ST6GALNAC2: variants seen among roughly 807,000 people sequenced by gnomAD.
ST6GALNAC2 encodes the protein ST6 N-acetylgalactosaminide alpha-2,6-sialyltransferase 2, also known as alpha-N-acetylgalactosaminide alpha-2,6-sialyltransferase 2.
Under a neutral mutation model 38.7 loss-of-function variants are expected in ST6GALNAC2, and 42 were observed. The ratio of observed to expected loss-of-function variants is 1.09; its 90% confidence interval spans 0.85 to 1.40. The LOEUF (loss-of-function observed/expected upper bound fraction) is 1.40. Ranked by LOEUF, ST6GALNAC2 falls within the 40% of genes most tolerant of loss-of-function variation. The pLI, the probability that ST6GALNAC2 is intolerant of heterozygous loss-of-function variation, is 0.00. For synonymous variants in ST6GALNAC2, 233 were observed against 209.0 expected, an observed-to-expected ratio of 1.11 and a Z score of -0.99; for missense variants, 506 against 481.7, an observed-to-expected ratio of 1.05 and a Z score of -0.47.
rs968750357 is a variant in ST6GALNAC2, at chr17:76,570,671, G to A, written c.670-3C>T. 3.7e-6 allele frequency: 6 copies of A among 1,606,312 alleles called. No homozygotes were observed. The African/African-American group carries it at 5.3e-5, about 14-fold the overall frequency. The stretch of plus-strand genomic sequence containing the variant: ...GGGATGAAGATATACTGCAGGTCCT[G>A]TCAGAATAGAGACAATGAGCCCAGA... On this transcript the variant is annotated splice_polypyrimidine_tract_variant and splice_region_variant and intron_variant, in intron 5 of 8. Coordinates refer to ENST00000225276, the MANE Select transcript of ST6GALNAC2 (RefSeq NM_006456.3).
chr17:76,567,363 G>T, intron 8 of ST6GALNAC2, 90 bp downstream of exon 8: 1 of 929,518 alleles, frequency 1.1e-6, no homozygotes. Flanking sequence ...AAGAGTCCCA[G>T]CTCCGAGGTA....
At chr17:76,570,695 G>C in intron 5 of ST6GALNAC2, 27 bp from the exon 6 acceptor site, 1 of 1,565,598 alleles carries the variant, frequency 6.4e-7, no homozygotes, top group South Asian at 1.1e-5. Context: ...AATGAGCCCA[G>C]AGGGGAACCA....
chr17:76,576,434 G>A (rs931463800), intron 2 of ST6GALNAC2, among the ~76,000 whole-genome samples: 5 of 152,280 alleles, frequency 3.3e-5, no homozygotes, highest in Middle Eastern at 6.8e-3. Flanking sequence ...AAGTGGGTGT[G>A]GAAGTGGGTG....
chr17:76,584,054 G>A (rs942600362), intron 1 of ST6GALNAC2, among the ~76,000 whole-genome samples: 5 of 149,930 alleles, frequency 3.3e-5, no homozygotes, highest in Non-Finnish European at 7.4e-5. Context: ...TCCTGACCTC[G>A]TGATCCGCCT....
At chr17:76,569,276 C>T (rs1181664230) in intron 6 of ST6GALNAC2, 7 of 359,972 alleles carry the variant, frequency 1.9e-5, no homozygotes, top group Middle Eastern at 6.8e-4. Flanking sequence ...TGAATTGGCC[C>T]GATATAGGAA....
intron 2 of ST6GALNAC2, among the ~76,000 whole-genome samples, chr17:76,575,069 C>T (rs140447706): frequency 1.3e-5 from 2 of 152,132 alleles, no homozygotes; most frequent in African/African-American, 4.8e-5. Context: ...GAGGCCATGT[C>T]CCCTTGGCCT....
At chr17:76,572,927 C>T in intron 4 of ST6GALNAC2, 152 bp from the exon 5 acceptor site, 2 of 1,020,610 alleles carry the variant, frequency 2.0e-6, no homozygotes, top group Non-Finnish European at 2.9e-6. Flanking sequence ...TCAACCAGAC[C>T]CCCACTCCTC....
At position 76,573,157 on chromosome 17, in the gene ST6GALNAC2, T is replaced by C. The variant is rs770199534; in HGVS notation, c.530+38A>G. ...GAGACACCCCCACCCTCCAGGCAAC[T>C]CTCCCTCCCGCCCCTCCCCAGCTCC... On this transcript the variant is annotated intron_variant, in intron 4 of 8. Transcript: ENST00000225276. The surrounding 1 kb of genome is among the most constrained non-coding windows in gnomAD (Gnocchi z 5.1). The C allele has an allele frequency of 8.5e-6, 13 of 1,526,988 alleles. No homozygotes were observed. The highest frequency in any genetic ancestry group is 1.2e-5 in the Non-Finnish European group (13 of 1,119,850). The allele number at this position is 1,526,988 out of a possible 1,614,324, so 94.6% of individuals were successfully genotyped here. A position where few individuals can be genotyped will look rare whatever the true frequency, so the allele number is the denominator to read the frequency against.
In ST6GALNAC2 at chr17:76,565,529, T is replaced by A. The variant is rs1284569046; in HGVS notation, c.*575A>T. ...CCCTCCCAGTGTTCTGAGAGTCATC[T>A]CCATGCTAAACAGCCTGCGTTTTAT... On this transcript the variant is annotated 3_prime_UTR_variant, in exon 9 of 9. Coordinates refer to ENST00000225276, the MANE Select transcript of ST6GALNAC2 (RefSeq NM_006456.3). 6.6e-6 allele frequency: 1 copy of A among 151,456 alleles called. No homozygotes were observed. 9.4% of individuals were successfully genotyped at this position (151,456 alleles called of 1,614,324 possible).
At chr17:76,570,810 T>C (rs1366926548) in intron 5 of ST6GALNAC2, 142 bp from the exon 6 acceptor site, 6 of 653,322 alleles carry the variant, frequency 9.2e-6, no homozygotes, top group Non-Finnish European at 1.6e-5. Context: ...CCAGAGGTGC[T>C]GTACTGGTTT....
At chr17:76,578,874 C>T (rs986911819) in intron 1 of ST6GALNAC2, 58 bp from the exon 2 acceptor site, 2 of 1,533,186 alleles carry the variant, frequency 1.3e-6, no homozygotes, top group Non-Finnish European at 1.8e-6. Flanking sequence ...CCCTTGGAAG[C>T]TTTTGGACTG....
At chr17:76,579,873 ACT>A (rs1419385785) in intron 1 of ST6GALNAC2, among the ~76,000 whole-genome samples, 4 of 152,086 alleles carry the variant, frequency 2.6e-5, no homozygotes, top group African/African-American at 4.8e-5. Flanking sequence ...ATAAGAGGTA[ACT>A]CTCTGTTTTT....
At chr17:76,582,311 T>C (rs540861884) in intron 1 of ST6GALNAC2, among the ~76,000 whole-genome samples, 17 of 149,532 alleles carry the variant, frequency 1.1e-4, no homozygotes, top group African/African-American at 4.2e-4. Flanking sequence ...AGCTGTGGCT[T>C]ACAGGCATGT....
chr17:76,582,116 C>A (rs1263022075), intron 1 of ST6GALNAC2, among the ~76,000 whole-genome samples: 4 of 150,798 alleles, frequency 2.7e-5, no homozygotes, highest in Non-Finnish European at 5.9e-5. Flanking sequence ...CCACCCGCCT[C>A]GGCCTCCCAA....
chr17:76,584,953 C>T (rs991116866), intron 1 of ST6GALNAC2, among the ~76,000 whole-genome samples: 6 of 152,344 alleles, frequency 3.9e-5, no homozygotes, highest in African/African-American at 1.4e-4. Flanking sequence ...TCTTCAGTCA[C>T]CGGAACCACC....
chr17:76,581,688 C>T (rs1449279646), intron 1 of ST6GALNAC2, among the ~76,000 whole-genome samples: 1 of 152,120 alleles, frequency 6.6e-6, no homozygotes, highest in East Asian at 1.9e-4. Flanking sequence ...CTGATCCTTC[C>T]AGCCCCTCCC....
rs1179585633 is a variant in ST6GALNAC2, at chr17:76,578,779, C to T, written c.163G>A (p.Ala55Thr). The part of the protein sequence containing the change: ...TSFEAFFQSK[A>T]SNSWTGKGQA... Reference sequence around the variant, plus strand: ...ACCTTTCCTGTCCAAGAATTCGATGCCTTGGATTGAAAGAATGCTTCAAAT... The same window carrying T: ...ACCTTTCCTGTCCAAGAATTCGATGTCTTGGATTGAAAGAATGCTTCAAAT... The change falls in exon 2 of 9, where the codon GCA becomes ACA. Residue 55 changes from alanine to threonine, a missense_variant. Physicochemically the swap from Ala to Thr is moderately conservative, Grantham distance 58. Transcript: ENST00000225276. The T allele has an allele frequency of 6.2e-7, 1 of 1,613,462 alleles. No homozygotes were observed.
chr17:76,585,831 C>G lies in ST6GALNAC2; in HGVS notation c.-23G>C, dbSNP rs750911760. On this transcript the variant is annotated 5_prime_UTR_variant, in exon 1 of 9. Transcript: ENST00000225276. ...CATACAGCCCCGGCCCGCGAGCGCC[C>G]CGTCCGCTGACGTCCCAGGCAGAAG... The G allele has an allele frequency of 1.4e-5, 22 of 1,524,568 alleles. No homozygotes were observed. Among genetic ancestry groups the G allele is most frequent in the Non-Finnish European group, 1.9e-5 (22 of 1,138,812 alleles). The allele number at this position is 1,524,568 out of a possible 1,614,324, so 94.4% of individuals were successfully genotyped here. A position where few individuals can be genotyped will look rare whatever the true frequency, so the allele number is the denominator to read the frequency against.
intron 6 of ST6GALNAC2, chr17:76,569,899 A>G (rs567273820): frequency 8.7e-4 from 235 of 269,746 alleles, no homozygotes; most frequent in African/African-American, 4.8e-3. Context: ...TCTGGGCCAC[A>G]GCAGTGGCGT....
Sources: gnomAD v4.1 joint callset for allele counts (sites outside exome capture counted in the v4.1 genomes callset) on GRCh38, gnomAD v4.1.1 for gene constraint, Gnocchi (gnomAD v3.1) non-coding constraint, MANE v1.5 for transcripts, NCBI Gene and HGNC (gene_info 2026-07-23, HGNC 2026-07-21) for gene names.